The following MOBP variants were observed in gnomAD, a reference collection of about 807,000 sequenced individuals.
The protein encoded by MOBP is myelin-associated oligodendrocyte basic protein.
A neutral mutation model predicts 15.0 loss-of-function variants in MOBP; 5 were observed. The ratio of observed to expected loss-of-function variants is 0.33; its 90% CI spans 0.17 to 0.70. The LOEUF is 0.70. Among genes scored for constraint, MOBP ranks in the 30% least tolerant of loss-of-function variants. MOBP has a pLI of 0.67. For synonymous variants in MOBP, 88 were observed against 99.0 expected (o/e 0.89, Z 0.66); for missense variants, 188 against 257.8 (o/e 0.73, Z 1.85).
chr3:39,472,303 T>G (rs1034909018), intron 1 of MOBP, among the ~76,000 whole-genome samples: 1 of 152,186 alleles, frequency 6.6e-6, no homozygotes, highest in South Asian at 2.1e-4. Context: ...GGGCAGTTGG[T>G]TAACCTATTG....
intron 3 of MOBP, among the ~76,000 whole-genome samples, chr3:39,521,314 A>G (rs1012882503): frequency 6.6e-6 from 1 of 152,198 alleles, no homozygotes; most frequent in Non-Finnish European, 1.5e-5. Context: ...GAACAATGTT[A>G]TATAGTGACT....
intron 2 of MOBP, among the ~76,000 whole-genome samples, chr3:39,496,237 C>T (rs562095742): frequency 9.6e-5 from 14 of 145,908 alleles, no homozygotes; most frequent in Admixed American, 5.5e-4. Context: ...CTTGCTCTGT[C>T]GCCCAGGCTG....
At chr3:39,501,599 T>C (rs1435236022) in intron 2 of MOBP, among the ~76,000 whole-genome samples, 1 of 152,224 alleles carries the variant, frequency 6.6e-6, no homozygotes, top group Non-Finnish European at 1.5e-5. Flanking sequence ...TCAAAATGTG[T>C]TGATGTATGT....
downstream of MOBP, among the ~76,000 whole-genome samples, chr3:39,504,780 G>A (rs548962101): frequency 5.5e-4 from 84 of 152,348 alleles, no homozygotes; most frequent in African/African-American, 1.8e-3. Flanking sequence ...AGGAGTGGGA[G>A]GCAGGTTGAT....
intron 3 of MOBP, among the ~76,000 whole-genome samples, chr3:39,523,925 G>A (rs564277000): frequency 3.9e-5 from 6 of 152,236 alleles, no homozygotes; most frequent in South Asian, 2.1e-4. Flanking sequence ...CCCCCACAGC[G>A]CAATTGTACA....
Position 39,468,962 on chromosome 3 carries a change from A to G in MOBP, c.-89+1222A>G, listed in dbSNP as rs867364403. Among the ~76,000 whole-genome samples, 7 of 89,050 alleles carry G rather than the reference A, an allele frequency of 7.9e-5. No individual in the cohort carries two copies. The East Asian group carries it at 9.4e-4, about 12-fold the overall frequency. 58.4% of individuals were successfully genotyped at this position (89,050 alleles called of 152,430 possible). A position where few individuals can be genotyped will look rare whatever the true frequency, so the allele number is the denominator to read the frequency against. ...TGTGTGTATATATACATATATACAT[A>G]TGTGTGTGTATATATACATATATAC... is the stretch of plus-strand genomic sequence containing the variant. On this transcript the variant is annotated intron_variant, in intron 1 of 3. Transcript: ENST00000684792.
At chr3:39,528,419 A>T (rs561386547), downstream of MOBP, 2 of 152,326 alleles carry the variant, frequency 1.3e-5, no homozygotes, top group East Asian at 3.9e-4. Flanking sequence ...TTAGTCTGTG[A>T]ATTCTAGATG....
At chr3:39,520,582 GAGAGAGAGAGAGAC>G (rs2043254525), downstream of MOBP, among the ~76,000 whole-genome samples, 4 of 151,626 alleles carry the variant, frequency 2.6e-5, no homozygotes, top group Admixed American at 6.6e-5. Context: ...GTATGAGAGA[GAGAGAGAGAGAGAC>G]AGAGAGAGAG....
downstream of MOBP, among the ~76,000 whole-genome samples, chr3:39,506,717 T>C (rs546753680): frequency 6.6e-6 from 1 of 152,234 alleles, no homozygotes; most frequent in South Asian, 2.1e-4. Context: ...AGCAGCAAGA[T>C]AAAAGCCCTC....
chr3:39,478,433 A>G (rs137979130), intron 1 of MOBP, among the ~76,000 whole-genome samples: 110 of 152,286 alleles, frequency 7.2e-4, no homozygotes, highest in Middle Eastern at 3.4e-3. Flanking sequence ...AAAATTGCCT[A>G]TTGACTCAGT....
chr3:39,474,706 T>C (rs2042520704), intron 1 of MOBP, among the ~76,000 whole-genome samples: 4 of 152,348 alleles, frequency 2.6e-5, no homozygotes, highest in Admixed American at 2.0e-4. Context: ...TGTCTGTTTA[T>C]GTATTGTACA....
intron 4 of MOBP, among the ~76,000 whole-genome samples, chr3:39,512,735 T>C (rs2043135392): frequency 6.6e-6 from 1 of 152,212 alleles, no homozygotes; most frequent in South Asian, 2.1e-4. Flanking sequence ...TTTTTTAAAC[T>C]AAGAACTTTG....
intron 2 of MOBP, among the ~76,000 whole-genome samples, chr3:39,486,650 C>G (rs1379701009): frequency 4.6e-5 from 7 of 152,088 alleles, no homozygotes; most frequent in Non-Finnish European, 1.5e-5. Context: ...CCATCTGATT[C>G]TTGTAGAATG....
chr3:39,511,717 A>G (rs1483189717), intron 4 of MOBP, among the ~76,000 whole-genome samples: 2 of 152,178 alleles, frequency 1.3e-5, no homozygotes, highest in East Asian at 3.8e-4. Context: ...TGCATAAGTC[A>G]GGGTCAGAGA....
intron 2 of MOBP, among the ~76,000 whole-genome samples, chr3:39,497,757 A>G (rs1247297954): frequency 6.6e-6 from 1 of 152,264 alleles, no homozygotes; most frequent in Non-Finnish European, 1.5e-5. Context: ...ACTTTAATAA[A>G]ACAAATTCAA....
rs2042401335 is a variant in MOBP, at chr3:39,468,955, T to TACATATGTGTGTGTATATATACATAC, written c.-89+1216_-89+1217insCATATGTGTGTGTATATATACATACA. Among the ~76,000 whole-genome samples, 3 of 118,732 alleles carry TACATATGTGTGTGTATATATACATAC rather than the reference T, an allele frequency of 2.5e-5. 1 individual carries two copies. Among genetic ancestry groups the TACATATGTGTGTGTATATATACATAC allele is most frequent in the African/African-American group, 1.3e-4 (3 of 22,302 alleles). The allele number at this position is 118,732 out of a possible 152,430, so 77.9% of individuals were successfully genotyped here. A position where few individuals can be genotyped will look rare whatever the true frequency, so the allele number is the denominator to read the frequency against. ...TATACATTGTGTGTATATATACATA[T>TACATATGTGTGTGTATATATACATAC]ATACATATGTGTGTGTATATATACA... On this transcript the variant is annotated intron_variant, in intron 1 of 3. Coordinates refer to ENST00000684792, the MANE Select transcript of MOBP (RefSeq NM_001393704.1).
chr3:39,482,532 G>A (rs2125633650), intron 2 of MOBP, among the ~76,000 whole-genome samples: 1 of 151,788 alleles, frequency 6.6e-6, no homozygotes, highest in East Asian at 1.9e-4. Flanking sequence ...GACACCTGTG[G>A]TCCCACCTAC....
At chr3:39,514,221 C>T (rs1197601448) in exon 5 of MOBP, 1 of 152,270 alleles carries the variant, frequency 6.6e-6, no homozygotes, top group Non-Finnish European at 1.5e-5. Context: ...TCCTCGAAGG[C>T]ACTGCCTTTG....
intron 2 of MOBP, among the ~76,000 whole-genome samples, chr3:39,486,480 T>C (rs1245028155): frequency 6.6e-6 from 1 of 152,168 alleles, no homozygotes; most frequent in Non-Finnish European, 1.5e-5. Context: ...TTGTGATCCA[T>C]GCTACTATAC....
Sources: gnomAD v4.1 joint callset for allele counts (sites outside exome capture counted in the v4.1 genomes callset) on GRCh38, gnomAD v4.1.1 for gene constraint, MANE v1.5 for transcripts, NCBI Gene and HGNC (gene_info 2026-07-23, HGNC 2026-07-21) for gene names.